The following CASD1 variants were observed in gnomAD, a reference collection of about 807,000 sequenced individuals.
The protein encoded by CASD1 is CAS1 domain sialic acid O acetyltransferase 1, also known as N-acetylneuraminate (7)9-O-acetyltransferase.
In CASD1, 41 loss-of-function variants were observed where a neutral mutation model predicts 100.0. That is an observed-to-expected ratio of 0.41 (90% confidence interval 0.32 to 0.53). The LOEUF (loss-of-function observed/expected upper bound fraction) is 0.53. CASD1 is among the 20% of genes least tolerant of loss of function. CASD1 has a pLI of 0.25. For missense variants in CASD1, 774 were observed against 948.7 expected, an observed-to-expected ratio of 0.82 and a Z score of 2.42; for synonymous variants, 321 against 315.6, an observed-to-expected ratio of 1.02 and a Z score of -0.18.
At chr7:94,588,039 A>G in the CASD1 span, 1 of 1,373,008 alleles carries the variant, frequency 7.3e-7, no homozygotes, top group South Asian at 1.8e-5. Context: ...TAGAACTAGG[A>G]ATCAACCACT....
chr7:94,510,267 CG>C, intron 1 of CASD1, 50 bp downstream of exon 1: 3 of 1,332,102 alleles, frequency 2.3e-6, no homozygotes, highest in Non-Finnish European at 2.9e-6. Flanking sequence ...GAGGCGGCGA[CG>C]CGGCGGCTGG....
chr7:94,519,695 C>T (rs1211494369), intron 3 of CASD1, among the ~76,000 whole-genome samples: 2 of 151,882 alleles, frequency 1.3e-5, no homozygotes, highest in Admixed American at 6.5e-5. Context: ...TTAATAGAGA[C>T]GAGGTCTCAC....
chr7:94,627,526 C>G, the CASD1 span: 1 of 152,330 alleles, frequency 6.6e-6, no homozygotes, highest in African/African-American at 2.4e-5. Context: ...TAGGGTACAT[C>G]CTATTCCAGC....
intron 1 of CASD1, among the ~76,000 whole-genome samples, chr7:94,516,689 T>C (rs899506306): frequency 6.6e-6 from 1 of 152,032 alleles, no homozygotes; most frequent in African/African-American, 2.4e-5. Flanking sequence ...CAAACTCTCT[T>C]TTAACCCCTT....
intron 3 of CASD1, among the ~76,000 whole-genome samples, chr7:94,526,915 G>A (rs1027287903): frequency 4.6e-5 from 7 of 152,176 alleles, no homozygotes; most frequent in Admixed American, 3.9e-4. Flanking sequence ...GTTTGCTGTT[G>A]AAATTTTATT....
chr7:94,522,945 G>C (rs1031054176), intron 3 of CASD1, among the ~76,000 whole-genome samples: 2 of 152,236 alleles, frequency 1.3e-5, no homozygotes, highest in Non-Finnish European at 2.9e-5. Context: ...ACAGGTGTGA[G>C]CCACTGCACC....
intron 9 of CASD1, 96 bp downstream of exon 9, chr7:94,537,990 C>A: frequency 1.4e-6 from 1 of 721,050 alleles, no homozygotes; most frequent in Non-Finnish European, 2.3e-6. Context: ...ACAAAATACA[C>A]AAACAGGTAT....
At chr7:94,587,276 C>T in the CASD1 span, 6 of 987,820 alleles carry the variant, frequency 6.1e-6, no homozygotes, top group African/African-American at 1.0e-4. Flanking sequence ...ACAAATTGCC[C>T]TAATATCATC....
the CASD1 span, among the ~76,000 whole-genome samples, chr7:94,607,434 T>C: frequency 6.6e-6 from 1 of 152,154 alleles, no homozygotes; most frequent in Non-Finnish European, 1.5e-5. Flanking sequence ...GATTCAACAA[T>C]GTATAAAAGG....
the CASD1 span, chr7:94,600,456 CTAAT>C: frequency 1.8e-6 from 1 of 568,638 alleles, no homozygotes; most frequent in Non-Finnish European, 3.1e-6. Context: ...ATTATATCCC[CTAAT>C]TTGATTTACT....
At chr7:94,589,178 A>G in the CASD1 span, 3 of 186,680 alleles carry the variant, frequency 1.6e-5, no homozygotes, top group East Asian at 2.5e-4. Flanking sequence ...CACTATCCCA[A>G]ACATCTGTGC....
Position 94,552,330 on chromosome 7 carries a change from C to G in CASD1, c.1957-20C>G. 1.3e-6 allele frequency: 2 copies of G among 1,589,974 alleles called. No individual in the cohort carries two copies. Among genetic ancestry groups the G allele is most frequent in the Non-Finnish European group, 1.7e-6 (2 of 1,166,490 alleles). On this transcript the variant is annotated intron_variant, in intron 15 of 17. Transcript: ENST00000297273. ...TCCAGACTTGCTTTTTTGAACTTTT[C>G]CATACATTTTTTGTTTTAGACCTAT...
chr7:94,543,811 G>T (rs1458216498), intron 10 of CASD1, among the ~76,000 whole-genome samples: 1 of 152,168 alleles, frequency 6.6e-6, no homozygotes, highest in Admixed American at 6.5e-5. Context: ...CCTATCATAT[G>T]TGGATTCAAA....
the CASD1 span, among the ~76,000 whole-genome samples, chr7:94,566,031 G>C: frequency 6.6e-6 from 1 of 152,156 alleles, no homozygotes; most frequent in Non-Finnish European, 1.5e-5. Flanking sequence ...CTCTAGTACC[G>C]CTTCCATGCC....
chr7:94,562,348 G>A, the CASD1 span, among the ~76,000 whole-genome samples: 4 of 152,002 alleles, frequency 2.6e-5, no homozygotes, highest in African/African-American at 9.7e-5. Context: ...TTTGAAATGA[G>A]GCAGTCTGGT....
chr7:94,571,770 C>T, the CASD1 span, among the ~76,000 whole-genome samples: 1 of 151,950 alleles, frequency 6.6e-6, no homozygotes, highest in South Asian at 2.1e-4. Context: ...ATTCCAGCTT[C>T]TCTGTGTGGC....
the CASD1 span, among the ~76,000 whole-genome samples, chr7:94,630,985 C>T: frequency 6.6e-6 from 1 of 151,906 alleles, no homozygotes; most frequent in East Asian, 1.9e-4. Context: ...GGATGGCTGC[C>T]AGAAAAGGGG....
chr7:94,616,138 C>T, the CASD1 span, among the ~76,000 whole-genome samples: 1 of 152,108 alleles, frequency 6.6e-6, no homozygotes, highest in African/African-American at 2.4e-5. Flanking sequence ...GGATGAGGAG[C>T]TCAGATGCTG....
chr7:94,518,156 A>G, intron 2 of CASD1, 47 bp from the exon 3 acceptor site: 1 of 1,466,454 alleles, frequency 6.8e-7, no homozygotes, highest in Non-Finnish European at 9.0e-7. Flanking sequence ...AAATGCCAGG[A>G]TGGCTGATTT....
Sources: allele counts gnomAD v4.1 joint callset (sites outside exome capture counted in the v4.1 genomes callset), GRCh38; gene constraint gnomAD v4.1.1; transcripts MANE v1.5; gene names NCBI Gene and HGNC (gene_info 2026-07-23, HGNC 2026-07-21).